The following RASA1 variants were observed in gnomAD, a reference collection of about 807,000 sequenced individuals.
RASA1 encodes the protein RAS p21 protein activator 1, also known as ras GTPase-activating protein 1.
Under a neutral mutation model 132.2 loss-of-function variants are expected in RASA1, and 25 were observed. The observed-to-expected ratio is 0.19, with a 90% CI of 0.14 to 0.26. The LOEUF (loss-of-function observed/expected upper bound fraction) is 0.26. Ranked by LOEUF, RASA1 falls within the 10% of genes least tolerant of loss-of-function variation. The pLI is 1.00. For missense variants in RASA1, 964 were observed against 1,299.2 expected (o/e 0.74, Z 3.97); for synonymous variants, 477 against 449.9 (o/e 1.06, Z -0.76).
At chr5:87,280,250 T>G (rs916692435) in intron 1 of RASA1, among the ~76,000 whole-genome samples, 2 of 152,090 alleles carry the variant, frequency 1.3e-5, no homozygotes, top group African/African-American at 4.8e-5. Flanking sequence ...AAGGCATCCC[T>G]CAGTCCAGTC....
chr5:87,340,886 A>T (rs184141363), intron 5 of RASA1, among the ~76,000 whole-genome samples: 177 of 152,298 alleles, frequency 1.2e-3, no homozygotes, highest in Admixed American at 3.1e-3. Flanking sequence ...AGTATGAGAC[A>T]GGAAATGTAG....
At chr5:87,351,222 TCAG>T (rs1580330033) in intron 8 of RASA1, among the ~76,000 whole-genome samples, 2 of 151,718 alleles carry the variant, frequency 1.3e-5, no homozygotes, top group Non-Finnish European at 3.0e-5. Context: ...CAAATTTAAT[TCAG>T]CAGCCATTTA....
At position 87,268,490 on chromosome 5, in the gene RASA1, G is replaced by A; in HGVS notation, c.39G>A (p.Pro13=). 2 of 1,558,068 alleles carry A rather than the reference G, an allele frequency of 1.3e-6. No homozygotes were observed. Among genetic ancestry groups the A allele is most frequent in the South Asian group, 2.4e-5 (2 of 84,868 alleles). The change falls in exon 1 of 25, where the codon CCG becomes CCA. Residue 13 remains proline, a synonymous_variant. Transcript: ENST00000274376. ...AAEAGSEEGG[P]VTAGAGGGGA... is the part of the protein sequence containing the mutation. ...AGGCCGGCAGTGAGGAGGGCGGCCC[G>A]GTAACAGCCGGAGCTGGAGGAGGCG...
At chr5:87,374,818 C>A (rs769684434) in intron 14 of RASA1, 22 bp from the exon 15 acceptor site, 2 of 1,604,640 alleles carry the variant, frequency 1.2e-6, no homozygotes, top group Admixed American at 3.3e-5. Context: ...TTTGTTAATT[C>A]TTTTTCTCCT....
chr5:87,390,735 G>C, intron 24 of RASA1, 65 bp from the exon 25 acceptor site: 1 of 1,351,976 alleles, frequency 7.4e-7, no homozygotes, highest in South Asian at 1.2e-5. Flanking sequence ...TTCAAATCCA[G>C]GTTCCCATCC....
intron 1 of RASA1, among the ~76,000 whole-genome samples, chr5:87,286,827 C>T (rs1007536644): frequency 2.2e-4 from 33 of 150,400 alleles, no homozygotes; most frequent in African/African-American, 7.3e-4. Flanking sequence ...CACACACTCA[C>T]ATATATATAT....
rs776213397 is a variant in RASA1, at chr5:87,362,609, G to A, written c.1391G>A (p.Arg464His). ...VDGKEIYNTI[R>H]RKTKDAFYKN... ...GGCAAGGAAATCTATAATACCATCCGTCGTAAAACAAAGGATGCCTTTTAT... is the reference window on the plus strand; with the variant it reads ...GGCAAGGAAATCTATAATACCATCCATCGTAAAACAAAGGATGCCTTTTAT... Residue 464 changes from arginine (R) to histidine (H), a missense_variant, in exon 10 of 25, where the codon CGT becomes CAT. Arg to His is a conservative substitution (Grantham distance 29, BLOSUM62 0). Coordinates refer to ENST00000274376, the MANE Select transcript of RASA1 (RefSeq NM_002890.3). The A allele has an allele frequency of 3.1e-6, 5 of 1,595,386 alleles. No homozygotes were observed. The highest frequency in any genetic ancestry group is 3.3e-5 in the Admixed American group (2 of 59,924).
intron 1 of RASA1, among the ~76,000 whole-genome samples, chr5:87,296,454 C>T (rs1327241836): frequency 2.0e-5 from 3 of 152,088 alleles, no homozygotes; most frequent in Non-Finnish European, 4.4e-5. Flanking sequence ...TATCATTATC[C>T]TCTTTCATGA....
In RASA1 at chr5:87,376,887, C is replaced by T. The variant is rs777558391; in HGVS notation, c.2191C>T (p.Leu731=). The T allele has an allele frequency of 6.2e-7, 1 of 1,603,690 alleles. No individual in the cohort carries two copies. The highest frequency in any genetic ancestry group is 8.5e-7 in the Non-Finnish European group (1 of 1,170,564). ...TTTTAAAATGTCATTTTAGCTTATA[C>T]TGCAAAAGGAACTTCATGTAGTCTA... ...EEYSEFKELI[L]QKELHVVYAL... is the part of the protein sequence containing the mutation. The change falls in exon 17 of 25, where the codon CTG becomes TTG. Residue 731 remains leucine (L), a synonymous_variant. Coordinates refer to ENST00000274376, the MANE Select transcript of RASA1 (RefSeq NM_002890.3).
chr5:87,279,940 T>G (rs1188446062), intron 1 of RASA1, among the ~76,000 whole-genome samples: 3 of 152,208 alleles, frequency 2.0e-5, no homozygotes, highest in Non-Finnish European at 2.9e-5. Flanking sequence ...GCTGACAGTC[T>G]GAGGCCAAAG....
chr5:87,270,436 C>T (rs1753775625), intron 1 of RASA1, among the ~76,000 whole-genome samples: 1 of 149,930 alleles, frequency 6.7e-6, no homozygotes, highest in Non-Finnish European at 1.5e-5. Flanking sequence ...CAACCTCCGC[C>T]TCCCGGGTTC....
chr5:87,306,447 C>T (rs1350052288), intron 1 of RASA1, among the ~76,000 whole-genome samples: 1 of 152,070 alleles, frequency 6.6e-6, no homozygotes, highest in Non-Finnish European at 1.5e-5. Context: ...ACAACACACA[C>T]TGGGGCCTAA....
intron 1 of RASA1, among the ~76,000 whole-genome samples, chr5:87,292,157 A>G (rs1754935460): frequency 6.6e-6 from 1 of 152,134 alleles, no homozygotes. Context: ...TTTGCAGAGC[A>G]GAAGTTTTTA....
chr5:87,301,526 A>C (rs1312377601), intron 1 of RASA1, among the ~76,000 whole-genome samples: 1 of 152,060 alleles, frequency 6.6e-6, no homozygotes, highest in Non-Finnish European at 1.5e-5. Context: ...TGAAAAACAA[A>C]ATTCTAACTT....
intron 11 of RASA1, 59 bp from the exon 12 acceptor site, chr5:87,369,754 T>A (rs1340080834): frequency 9.2e-7 from 1 of 1,090,252 alleles, no homozygotes; most frequent in Non-Finnish European, 1.4e-6. Flanking sequence ...TGGAAGCTGG[T>A]ATAAATATTT....
At chr5:87,280,795 C>A (rs745612607) in intron 1 of RASA1, among the ~76,000 whole-genome samples, 1 of 151,706 alleles carries the variant, frequency 6.6e-6, no homozygotes, top group African/African-American at 2.4e-5. Context: ...CTCACTCTGT[C>A]GCCCAGGCTG....
At chr5:87,383,564 T>C (rs2112508554) in intron 20 of RASA1, 149 bp from the exon 21 acceptor site, 1 of 569,410 alleles carries the variant, frequency 1.8e-6, no homozygotes, top group Non-Finnish European at 3.1e-6. Context: ...TCTTAAAGCT[T>C]TCTGTGTCTG....
At chr5:87,322,580 T>G (rs1452247545) in intron 1 of RASA1, among the ~76,000 whole-genome samples, 1 of 152,024 alleles carries the variant, frequency 6.6e-6, no homozygotes, top group African/African-American at 2.4e-5. Context: ...ATGTGCTAGC[T>G]CTCCCTTTGC....
At chr5:87,386,108 C>A (rs539207828) in intron 22 of RASA1, among the ~76,000 whole-genome samples, 2 of 151,868 alleles carry the variant, frequency 1.3e-5, no homozygotes, top group South Asian at 2.1e-4. Context: ...GGGTACTATA[C>A]TTTTTTCTTT....
Sources: gnomAD v4.1 joint callset for allele counts (sites outside exome capture counted in the v4.1 genomes callset) on GRCh38, gnomAD v4.1.1 for gene constraint, MANE v1.5 for transcripts, NCBI Gene and HGNC (gene_info 2026-07-23, HGNC 2026-07-21) for gene names.